Variants in ACOX1 observed in about 807,000 individuals in gnomAD.
ACOX1 encodes the protein peroxisomal acyl-coenzyme A oxidase 1.
In ACOX1, 41 loss-of-function variants were observed where a neutral mutation model predicts 75.5. The ratio of observed to expected loss-of-function variants is 0.54; its 90% CI spans 0.42 to 0.70. The LOEUF is 0.70. ACOX1 is among the 30% of genes least tolerant of loss of function. The probability of loss-of-function intolerance (pLI) is 0.00; values close to 1 mark genes in which losing one functional copy is unlikely to be tolerated. For missense variants in ACOX1, 630 were observed against 837.5 expected (o/e 0.75, Z 3.06); for synonymous variants, 303 against 298.8 (o/e 1.01, Z -0.15).
At chr17:75,954,775 T>C (rs987431853) in intron 6 of ACOX1, among the ~76,000 whole-genome samples, 4 of 151,656 alleles carry the variant, frequency 2.6e-5, no homozygotes, top group African/African-American at 4.8e-5. Flanking sequence ...TTTCACCATA[T>C]TGGTCAGGCT....
chr17:75,955,580 T>C lies in ACOX1; in HGVS notation c.760A>G (p.Met254Val). ...TCAAAACATACCTGGGCATACTTCA[T>C]CAGCATGTTTTCTCTGGGAATACGA... is the stretch of plus-strand genomic sequence containing the variant. ...NHRIPRENML[M>V]KYAQVKPDGT... is the part of the protein sequence containing the mutation. The change falls in exon 6 of 14, where the codon ATG (methionine) becomes GTG (valine). Residue 254 changes from methionine (M) to valine (V), a missense_variant. Physicochemically the swap from Met to Val is conservative, Grantham distance 21 (BLOSUM62 1). This residue lies in a region of ACOX1 where 390 missense variants were observed against 574.9 expected (regional missense o/e 0.68). Transcript: ENST00000293217. 6.2e-7 allele frequency: 1 copy of C among 1,613,940 alleles called. No homozygotes were observed. The highest frequency in any genetic ancestry group is 8.5e-7 in the Non-Finnish European group (1 of 1,179,764).
At chr17:75,962,281 A>C (rs1209098090) in intron 2 of ACOX1, among the ~76,000 whole-genome samples, 1 of 152,212 alleles carries the variant, frequency 6.6e-6, no homozygotes, top group African/African-American at 2.4e-5. Flanking sequence ...AATTATACAG[A>C]AATTATCATT....
intron 2 of ACOX1, among the ~76,000 whole-genome samples, chr17:75,975,154 G>A (rs377566869): frequency 2.0e-4 from 30 of 149,618 alleles, no homozygotes; most frequent in African/African-American, 7.4e-4. Flanking sequence ...GGTTATCCCC[G>A]CCATTTCTTT....
chr17:75,958,849 G>A (rs62088257), intron 3 of ACOX1, among the ~76,000 whole-genome samples: 50 of 151,236 alleles, frequency 3.3e-4, no homozygotes, highest in Non-Finnish European at 6.0e-4. Flanking sequence ...AACTGTTATT[G>A]GGGAAATGAC....
At chr17:75,975,832 TAATGGAAATA>T (rs1273897808) in intron 2 of ACOX1, among the ~76,000 whole-genome samples, 3 of 138,758 alleles carry the variant, frequency 2.2e-5, no homozygotes, top group Non-Finnish European at 3.0e-5. Context: ...CACCTGCTGA[TAATGGAAATA>T]AATGGAAATG....
rs768077742 is a variant in ACOX1, at chr17:75,946,832, A to C, written c.1936-37T>G. On this transcript the variant is annotated intron_variant, in intron 13 of 13. Coordinates refer to ENST00000293217, the MANE Select transcript of ACOX1 (RefSeq NM_004035.7). ...GGAGAGAGAAGAACTACTAATAAAG[A>C]GTTTGCCATGTTAAATAGTATACTG... 5 of 1,593,564 alleles carry C rather than the reference A, an allele frequency of 3.1e-6. No individual in the cohort carries two copies. The South Asian group carries it at 5.5e-5, about 18-fold the overall frequency.
intron 2 of ACOX1, among the ~76,000 whole-genome samples, chr17:75,972,893 T>C (rs2066010415): frequency 6.6e-6 from 1 of 152,186 alleles, no homozygotes; most frequent in Admixed American, 6.5e-5. Flanking sequence ...TCTGCATCCC[T>C]TTTTCTTTCC....
intron 12 of ACOX1, among the ~76,000 whole-genome samples, 178 bp from the exon 13 acceptor site, chr17:75,948,635 A>G (rs767686965): frequency 1.3e-5 from 2 of 151,596 alleles, no homozygotes; most frequent in East Asian, 3.9e-4. Flanking sequence ...GCTCACCGCA[A>G]TCTCCGCCTC....
rs1162675472 is a variant in ACOX1 at position 75,946,763 on chromosome 17, C to T, written c.1968G>A (p.Leu656=). 8.1e-6 allele frequency: 13 copies of T among 1,613,852 alleles called. No individual in the cohort carries two copies. Among genetic ancestry groups the T allele is most frequent in the Non-Finnish European group, 1.0e-5 (12 of 1,179,908 alleles). ...VHESYKHLKS[L]QSKL ...TTGTGACACTTCAGAGCTTGGACTGCAGTGACTTCAGGTGCTTGTAAGATT... is the reference window on the plus strand; with the variant it reads ...TTGTGACACTTCAGAGCTTGGACTGTAGTGACTTCAGGTGCTTGTAAGATT... The change falls in exon 14 of 14, where the codon CTG becomes CTA. Residue 656 remains leucine, a synonymous_variant. Coordinates refer to ENST00000293217, the MANE Select transcript of ACOX1 (RefSeq NM_004035.7).
In ACOX1 at chr17:75,949,907, A is replaced by C. The variant is rs776932461; in HGVS notation, c.1299-10T>G. ...ACTTTTCATCAGGAACCTAAAAGTC[A>C]CCAGTAAACATGCTTTTAGTAACTC... is the stretch of plus-strand genomic sequence containing the variant. On this transcript the variant is annotated splice_polypyrimidine_tract_variant and intron_variant, in intron 9 of 13. Coordinates refer to ENST00000293217, the MANE Select transcript of ACOX1 (RefSeq NM_004035.7). 2 of 1,614,116 alleles carry C rather than the reference A, an allele frequency of 1.2e-6. No individual in the cohort carries two copies. The highest frequency in any genetic ancestry group is 1.7e-6 in the Non-Finnish European group (2 of 1,179,972).
At position 75,946,638 on chromosome 17, in the gene ACOX1, G is replaced by A. The variant is rs1262556523; in HGVS notation, c.*110C>T. Reference sequence around the variant, plus strand: ...TTTTTTCCCTCCATTTATAAAAAGGGGTCAATTTATCATTTGCTCTATAGC... The same window carrying A: ...TTTTTTCCCTCCATTTATAAAAAGGAGTCAATTTATCATTTGCTCTATAGC... On this transcript the variant is annotated 3_prime_UTR_variant, in exon 14 of 14. Coordinates refer to ENST00000293217, the MANE Select transcript of ACOX1 (RefSeq NM_004035.7). 1.8e-5 allele frequency: 16 copies of A among 878,676 alleles called. No individual in the cohort carries two copies. Among genetic ancestry groups the A allele is most frequent in the Admixed American group, 1.0e-4 (5 of 48,712 alleles). 54.4% of individuals were successfully genotyped at this position (878,676 alleles called of 1,614,324 possible).
At position 75,946,654 on chromosome 17, in the gene ACOX1, G is replaced by A; in HGVS notation, c.*94C>T. On this transcript the variant is annotated 3_prime_UTR_variant, in exon 14 of 14. Transcript: ENST00000293217. ...ATAAAAAGGGGTCAATTTATCATTT[G>A]CTCTATAGCTATTTGAATTCGAAAA... is the stretch of plus-strand genomic sequence containing the variant. The A allele has an allele frequency of 9.7e-7, 1 of 1,028,602 alleles. No individual in the cohort carries two copies. The allele number at this position is 1,028,602 out of a possible 1,614,324, so 63.7% of individuals were successfully genotyped here.
chr17:75,971,368 G>A (rs1340525233), intron 2 of ACOX1, among the ~76,000 whole-genome samples: 1 of 151,634 alleles, frequency 6.6e-6, no homozygotes, highest in African/African-American at 2.4e-5. Flanking sequence ...CTTGCCCACA[G>A]CCATATAGGA....
At chr17:75,971,806 G>A (rs944724335) in intron 2 of ACOX1, among the ~76,000 whole-genome samples, 3 of 151,686 alleles carry the variant, frequency 2.0e-5, no homozygotes, top group African/African-American at 7.3e-5. Flanking sequence ...TGAGGCAGAA[G>A]CATTAGACCA....
chr17:75,955,700 C>G lies in ACOX1; in HGVS notation c.659-19G>C, dbSNP rs988313096. On this transcript the variant is annotated intron_variant, in intron 5 of 13. Transcript: ENST00000293217. ...GTAATTCCTACCACAGATGAAAGGA[C>G]AGTCACGAGATGTTTATGCTCTGGA... is the stretch of plus-strand genomic sequence containing the variant. 1 of 1,611,832 alleles carries G rather than the reference C, an allele frequency of 6.2e-7. No homozygotes were observed. Among genetic ancestry groups the G allele is most frequent in the African/African-American group, 1.3e-5 (1 of 74,890 alleles).
intron 6 of ACOX1, among the ~76,000 whole-genome samples, chr17:75,955,011 G>A (rs1259919782): frequency 6.6e-6 from 1 of 151,986 alleles, no homozygotes; most frequent in African/African-American, 2.4e-5. Context: ...GGGACTACAG[G>A]TGCGCACCAC....
intron 6 of ACOX1, among the ~76,000 whole-genome samples, chr17:75,954,675 G>T (rs937189388): frequency 2.3e-4 from 30 of 132,270 alleles, no homozygotes; most frequent in East Asian, 5.2e-4. Context: ...GGGTTCAAGC[G>T]ATTCTCCTGC....
chr17:75,967,625 T>C (rs901104079), intron 2 of ACOX1, among the ~76,000 whole-genome samples: 20 of 108,454 alleles, frequency 1.8e-4, no homozygotes, highest in African/African-American at 1.2e-3. Context: ...CATACATATA[T>C]ATATACATAC....
At position 75,979,104 on chromosome 17, in the gene ACOX1, C is replaced by T. The variant is rs757024782; in HGVS notation, c.-31G>A. ...CGACCAGCTGGCAGCGAAGTAAGCACCGACCGAGGTGGCAGTGACAATCTA... is the reference window on the plus strand; with the variant it reads ...CGACCAGCTGGCAGCGAAGTAAGCATCGACCGAGGTGGCAGTGACAATCTA... On this transcript the variant is annotated 5_prime_UTR_variant, in exon 1 of 14. The change creates a new upstream start codon in the 5' untranslated region. Coordinates refer to ENST00000293217, the MANE Select transcript of ACOX1 (RefSeq NM_004035.7). 3 of 1,607,836 alleles carry T rather than the reference C, an allele frequency of 1.9e-6. No homozygotes were observed. The African/African-American group carries it at 4.0e-5, about 21-fold the overall frequency.
Sources: allele counts gnomAD v4.1 joint callset (sites outside exome capture counted in the v4.1 genomes callset), GRCh38; gene constraint gnomAD v4.1.1; regional missense constraint gnomAD v4.1.1; transcripts MANE v1.5; gene names NCBI Gene and HGNC (gene_info 2026-07-23, HGNC 2026-07-21).